Variants in NEGR1 observed in about 807,000 individuals in gnomAD.
The protein encoded by NEGR1 is neuronal growth regulator 1, also known as IgLON family member 4.
NEGR1 carries 10 observed loss-of-function variants against 40.9 expected under a neutral mutation model. The ratio of observed to expected loss-of-function variants is 0.24; its 90% CI spans 0.15 to 0.42. The LOEUF (loss-of-function observed/expected upper bound fraction) is 0.42. Ranked by LOEUF, NEGR1 falls within the 10% of genes least tolerant of loss-of-function variation. The pLI is 1.00. For missense variants in NEGR1, 352 were observed against 438.9 expected (o/e 0.80, Z 1.77); for synonymous variants, 185 against 166.8 (o/e 1.11, Z -0.84).
chr1:72,037,874 A>C (rs2100450857), intron 1 of NEGR1, among the ~76,000 whole-genome samples: 1 of 152,182 alleles, frequency 6.6e-6, no homozygotes, highest in African/African-American at 2.4e-5. Flanking sequence ...TGCACCATGA[A>C]CCACCTGTAA....
rs577796947 is a variant in NEGR1, at chr1:72,220,303, A to C, written c.176+62016T>G. On this transcript the variant is annotated intron_variant, in intron 1 of 6. Coordinates refer to ENST00000357731, the MANE Select transcript of NEGR1 (RefSeq NM_173808.3). The stretch of plus-strand genomic sequence containing the variant: ...TTATGTGTGTGTGTAAAACACAGGG[A>C]TATCTCTCAGAATCCAAAGGCAGGA... Among the ~76,000 whole-genome samples, 17 of 152,076 alleles carry C rather than the reference A, an allele frequency of 1.1e-4. No individual in the cohort carries two copies. The South Asian group carries it at 3.5e-3, about 32-fold the overall frequency.
intron 1 of NEGR1, among the ~76,000 whole-genome samples, chr1:72,070,835 G>A (rs889886566): frequency 6.6e-6 from 1 of 151,948 alleles, no homozygotes; most frequent in Non-Finnish European, 1.5e-5. Flanking sequence ...AGCATATTAG[G>A]AAATTAAGAT....
intron 6 of NEGR1, among the ~76,000 whole-genome samples, chr1:71,575,178 C>T (rs1250260097): frequency 6.6e-6 from 1 of 152,160 alleles, no homozygotes; most frequent in Non-Finnish European, 1.5e-5. Flanking sequence ...CTCATACACC[C>T]TACAATCTAA....
At chr1:72,121,413 G>C (rs889965532) in intron 1 of NEGR1, among the ~76,000 whole-genome samples, 21 of 151,912 alleles carry the variant, frequency 1.4e-4, no homozygotes, top group African/African-American at 4.8e-4. Flanking sequence ...TCATACCTAA[G>C]CATAGGTTTT....
intron 1 of NEGR1, among the ~76,000 whole-genome samples, chr1:72,174,288 C>T (rs2100400630): frequency 6.6e-6 from 1 of 152,220 alleles, no homozygotes; most frequent in Non-Finnish European, 1.5e-5. Flanking sequence ...TCAATATTCC[C>T]CACCAGAGTG....
intron 2 of NEGR1, among the ~76,000 whole-genome samples, chr1:71,870,532 A>G (rs373508717): frequency 6.6e-6 from 1 of 152,170 alleles, no homozygotes; most frequent in East Asian, 1.9e-4. Context: ...CCTGTATTAA[A>G]TTTATACTTT....
At chr1:72,264,630 A>G (rs1278363010) in intron 1 of NEGR1, among the ~76,000 whole-genome samples, 1 of 150,762 alleles carries the variant, frequency 6.6e-6, no homozygotes, top group Non-Finnish European at 1.5e-5. Flanking sequence ...TTAAAATAAC[A>G]TATATATGGA....
At chr1:71,948,948 C>T (rs1453522727) in intron 1 of NEGR1, among the ~76,000 whole-genome samples, 1 of 152,032 alleles carries the variant, frequency 6.6e-6, no homozygotes, top group Non-Finnish European at 1.5e-5. Flanking sequence ...CCTTGAGTCA[C>T]TCTAAAAAGT....
chr1:71,659,497 A>T (rs1206203513), intron 4 of NEGR1, among the ~76,000 whole-genome samples: 1 of 152,214 alleles, frequency 6.6e-6, no homozygotes, highest in Admixed American at 6.5e-5. Flanking sequence ...AATTAGACCT[A>T]AGATCTTCTA....
chr1:71,928,323 C>CGTATATATGTATATATACACACATAT (rs1645811751), intron 2 of NEGR1, among the ~76,000 whole-genome samples: 1 of 35,848 alleles, frequency 2.8e-5, no homozygotes, highest in African/African-American at 1.1e-4. Context: ...TATGTATATA[C>CGTATATATGTATATATACACACATAT]GTATATATGT....
intron 6 of NEGR1, among the ~76,000 whole-genome samples, chr1:71,554,942 G>A (rs1433846666): frequency 6.6e-6 from 1 of 151,508 alleles, no homozygotes; most frequent in Non-Finnish European, 1.5e-5. Flanking sequence ...AAAACTCCAA[G>A]AAGTGATCCC....
chr1:72,187,295 C>T (rs1652646507), intron 1 of NEGR1, among the ~76,000 whole-genome samples: 1 of 151,344 alleles, frequency 6.6e-6, no homozygotes, highest in African/African-American at 2.4e-5. Context: ...TTTTTCGCCA[C>T]ATTTCTGTTT....
At chr1:71,781,627 T>G (rs1196406046) in intron 2 of NEGR1, among the ~76,000 whole-genome samples, 1 of 152,162 alleles carries the variant, frequency 6.6e-6, no homozygotes, top group Non-Finnish European at 1.5e-5. Flanking sequence ...AAACATCAGA[T>G]CAGCATTTAT....
chr1:71,771,122 T>C (rs1372198366), intron 3 of NEGR1, among the ~76,000 whole-genome samples: 1 of 152,024 alleles, frequency 6.6e-6, no homozygotes, highest in East Asian at 1.9e-4. Context: ...TATGCAGCCA[T>C]AAAAAAGATG....
intron 2 of NEGR1, among the ~76,000 whole-genome samples, chr1:71,797,317 A>G (rs1410844263): frequency 6.6e-6 from 1 of 152,130 alleles, no homozygotes; most frequent in African/African-American, 2.4e-5. Context: ...TTTTCACTAA[A>G]CCTTGTATTT....
intron 4 of NEGR1, among the ~76,000 whole-genome samples, chr1:71,680,261 G>T (rs1364527553): frequency 6.6e-6 from 1 of 151,876 alleles, no homozygotes; most frequent in Non-Finnish European, 1.5e-5. Flanking sequence ...TCATATTTTT[G>T]GAAAGATATT....
At chr1:71,593,276 TATCTC>T (rs1207410202) in intron 5 of NEGR1, among the ~76,000 whole-genome samples, 1 of 152,156 alleles carries the variant, frequency 6.6e-6, no homozygotes, top group Non-Finnish European at 1.5e-5. Context: ...ATACCAATAA[TATCTC>T]ATCTATTAAA....
intron 1 of NEGR1, among the ~76,000 whole-genome samples, chr1:72,234,677 A>G (rs1654491771): frequency 6.6e-6 from 1 of 152,168 alleles, no homozygotes; most frequent in Non-Finnish European, 1.5e-5. Context: ...CAACTATCAT[A>G]TTAATAAAAG....
At chr1:71,885,393 T>C (rs1170793568) in intron 2 of NEGR1, among the ~76,000 whole-genome samples, 1 of 152,248 alleles carries the variant, frequency 6.6e-6, no homozygotes, top group African/African-American at 2.4e-5. Flanking sequence ...TCCAGAAGTC[T>C]TGACTCACAC....
Sources: allele counts gnomAD v4.1 joint callset (sites outside exome capture counted in the v4.1 genomes callset), GRCh38; gene constraint gnomAD v4.1.1; transcripts MANE v1.5; gene names NCBI Gene and HGNC (gene_info 2026-07-23, HGNC 2026-07-21).